The following AP2A1 variants were observed in gnomAD, a reference collection of about 807,000 sequenced individuals.
The protein encoded by AP2A1 is AP-2 complex subunit alpha-1.
In AP2A1, 21 loss-of-function variants were observed where a neutral mutation model predicts 107.3. The observed-to-expected ratio is 0.20, with a 90% CI of 0.14 to 0.28. The LOEUF (loss-of-function observed/expected upper bound fraction) is 0.28. AP2A1 is among the 10% of genes least tolerant of loss of function. AP2A1 has a pLI of 1.00. For missense variants in AP2A1, 873 were observed against 1,307.7 expected (o/e 0.67, Z 5.13); for synonymous variants, 602 against 564.8 (o/e 1.07, Z -0.93).
At chr19:49,802,792 T>G in intron 15 of AP2A1, 157 bp from the exon 16 acceptor site, 4 of 1,044,656 alleles carry the variant, frequency 3.8e-6, no homozygotes, top group Non-Finnish European at 5.6e-6. Flanking sequence ...TGGAGGCCAC[T>G]GCTGGATGGA....
intron 1 of AP2A1, among the ~76,000 whole-genome samples, chr19:49,778,379 T>C (rs143981429): frequency 0.013 from 2,001 of 152,162 alleles, 45 homozygotes; most frequent in African/African-American, 0.046. Flanking sequence ...GGTCAGGAGT[T>C]TGAGACCAGC....
chr19:49,799,210 G>T, intron 8 of AP2A1, 117 bp from the exon 9 acceptor site: 1 of 1,301,238 alleles, frequency 7.7e-7, no homozygotes, highest in South Asian at 1.4e-5. Flanking sequence ...ATGCAAGGCC[G>T]GCAAGGTTAA....
Position 49,806,221 on chromosome 19 carries a change from C to A in AP2A1, c.2758C>A (p.Leu920Met). ...GACTAAAGCCCTGCAGGTGGGCTGT[C>A]TGCTTCGGCTGGAGCCCAATGCCCA... ...IQTKALQVGC[L>M]LRLEPNAQAQ... Residue 920 changes from leucine (L) to methionine (M), a missense_variant, in exon 22 of 23, where the codon CTG (leucine) becomes ATG (methionine). Physicochemically the swap from Leu to Met is conservative, Grantham distance 15 (BLOSUM62 2). Transcript: ENST00000354293. The A allele has an allele frequency of 1.2e-6, 2 of 1,607,458 alleles. No individual in the cohort carries two copies. The highest frequency in any genetic ancestry group is 1.7e-6 in the Non-Finnish European group (2 of 1,177,350).
At position 49,787,347 on chromosome 19, in the gene AP2A1, G is replaced by GTTTT. The variant is rs199550216; in HGVS notation, c.474-4585_474-4582dup. Among the ~76,000 whole-genome samples the GTTTT allele has an allele frequency of 1.2e-3, 112 of 96,162 alleles. 3 individuals are homozygous for GTTTT. The highest frequency in any genetic ancestry group is 2.2e-3 in the African/African-American group (49 of 22,468). The allele number at this position is 96,162 out of a possible 152,430, so 63.1% of individuals were successfully genotyped here. A position where few individuals can be genotyped will look rare whatever the true frequency, so the allele number is the denominator to read the frequency against. ...TAGGCTTTTTTTGTTTGTTTTTTTT[G>GTTTT]TTTTTTGTTTTTTTTTTTTTGAGGC... On this transcript the variant is annotated intron_variant, in intron 4 of 22. Coordinates refer to ENST00000354293, the MANE Select transcript of AP2A1 (RefSeq NM_130787.3).
chr19:49,786,045 A>T (rs1000651859), intron 4 of AP2A1, among the ~76,000 whole-genome samples: 1 of 152,118 alleles, frequency 6.6e-6, no homozygotes, highest in African/African-American at 2.4e-5. Flanking sequence ...GCACCACTGC[A>T]CTCCAGCCCG....
At chr19:49,806,648 C>G (rs768441806) in intron 22 of AP2A1, 33 bp from the exon 23 acceptor site, 8 of 1,611,828 alleles carry the variant, frequency 5.0e-6, no homozygotes, top group Middle Eastern at 2.1e-4. Context: ...CTCCCCATCT[C>G]CTCTGAGTTC....
chr19:49,792,921 G>A lies in AP2A1; in HGVS notation c.604-70G>A, dbSNP rs1016132468. 16 of 1,341,950 alleles carry A rather than the reference G, an allele frequency of 1.2e-5. 1 individual carries two copies. Among genetic ancestry groups the A allele is most frequent in the South Asian group, 8.8e-5 (7 of 79,360 alleles). The allele number at this position is 1,341,950 out of a possible 1,614,324, so 83.1% of individuals were successfully genotyped here. On this transcript the variant is annotated intron_variant, in intron 5 of 22. Transcript: ENST00000354293. Reference sequence around the variant, plus strand: ...TGCACACACATCCCGACCCTGTCCCGCTCCTGAGCCTCTGCTCTCAGGTAC... The same window carrying A: ...TGCACACACATCCCGACCCTGTCCCACTCCTGAGCCTCTGCTCTCAGGTAC...
chr19:49,777,127 C>T (rs577231490), intron 1 of AP2A1, among the ~76,000 whole-genome samples: 119 of 149,994 alleles, frequency 7.9e-4, no homozygotes, highest in African/African-American at 2.7e-3. Flanking sequence ...CCCAACTGCT[C>T]GGGAGGCTGA....
Position 49,799,635 on chromosome 19 carries a change from C to T in AP2A1, c.1141C>T (p.Arg381Trp), listed in dbSNP as rs1222486293. Residue 381 changes from arginine (R) to tryptophan (W), a missense_variant, in exon 10 of 23, where the codon CGG (arginine) becomes TGG (tryptophan). Physicochemically the swap from Arg to Trp is moderately radical, Grantham distance 101 (BLOSUM62 -3). Coordinates refer to ENST00000354293, the MANE Select transcript of AP2A1 (RefSeq NM_130787.3). The part of the protein sequence containing the change: ...DTVINALKTE[R>W]DVSVRQRAAD... ...CTCTGCTCTCCGCCCTCAGACGGAG[C>T]GGGACGTCAGCGTGCGGCAGCGGGC... The T allele has an allele frequency of 5.6e-6, 9 of 1,609,536 alleles. No individual in the cohort carries two copies. Among genetic ancestry groups the T allele is most frequent in the Admixed American group, 1.7e-5 (1 of 59,970 alleles).
In AP2A1 at chr19:49,802,073, G is replaced by C; in HGVS notation, c.2046G>C (p.Leu682=). ...PPASAGAGNL[L]VDVFDGPAAQ... ...CTTCTGCAGGAGCAGGGAACCTTCT[G>C]GTGGACGTCTTCGATGGCCCGGCCG... Residue 682 remains leucine, a synonymous_variant, in exon 15 of 23, where the codon CTG becomes CTC. Transcript: ENST00000354293. 6.3e-7 allele frequency: 1 copy of C among 1,592,304 alleles called. No individual in the cohort carries two copies. The highest frequency in any genetic ancestry group is 8.5e-7 in the Non-Finnish European group (1 of 1,174,298).
chr19:49,807,028 C>T lies in AP2A1; in HGVS notation c.*270C>T, dbSNP rs1282465452. The T allele has an allele frequency of 1.3e-6, 2 of 1,499,064 alleles. No individual in the cohort carries two copies. The highest frequency in any genetic ancestry group is 1.2e-5 in the South Asian group (1 of 82,524). 92.9% of individuals were successfully genotyped at this position (1,499,064 alleles called of 1,614,324 possible). ...GGGAAGTGGATGTCTCCTCCCCTCC[C>T]ACCCCACCCTGTTGTAGCCCCTCCT... On this transcript the variant is annotated 3_prime_UTR_variant, in exon 23 of 23. Transcript: ENST00000354293.
chr19:49,802,219 C>T (rs1477894840), intron 15 of AP2A1, 78 bp downstream of exon 15: 33 of 1,182,324 alleles, frequency 2.8e-5, no homozygotes, highest in Non-Finnish European at 3.6e-5. Context: ...CCCCGTTTTC[C>T]CTGAGCCCCT....
Position 49,802,469 on chromosome 19 carries a change from C to A in AP2A1, c.2114+328C>A, listed in dbSNP as rs756462361. ...TGTCTCTCTTCTGCCCTCTCGCTGC[C>A]TATGTGGAATTGGCTGCCTGCCACG... On this transcript the variant is annotated intron_variant, in intron 15 of 22. Coordinates refer to ENST00000354293, the MANE Select transcript of AP2A1 (RefSeq NM_130787.3). 6.0e-6 allele frequency: 9 copies of A among 1,510,966 alleles called. 1 individual carries two copies. In the South Asian group the frequency reaches 1.0e-4, roughly 17 times the overall value. 93.6% of individuals were successfully genotyped at this position (1,510,966 alleles called of 1,614,324 possible). A position where few individuals can be genotyped will look rare whatever the true frequency, so the allele number is the denominator to read the frequency against.
chr19:49,789,090 G>A (rs893304525), intron 4 of AP2A1, among the ~76,000 whole-genome samples: 1 of 152,200 alleles, frequency 6.6e-6, no homozygotes, highest in African/African-American at 2.4e-5. Context: ...CACCTGCTGG[G>A]TGGCTGCACA....
chr19:49,803,496 C>A, intron 18 of AP2A1, 120 bp downstream of exon 18: 1 of 783,474 alleles, frequency 1.3e-6, no homozygotes, highest in Non-Finnish European at 2.2e-6. Context: ...GCAATTAGTT[C>A]TCTGAGATTG....
intron 19 of AP2A1, 38 bp downstream of exon 19, chr19:49,805,614 C>CG: frequency 3.2e-6 from 5 of 1,556,712 alleles, no homozygotes; most frequent in Non-Finnish European, 4.3e-6. Flanking sequence ...GCGGAGCCTC[C>CG]GGGGTGAGGG....
intron 4 of AP2A1, among the ~76,000 whole-genome samples, chr19:49,786,412 T>G (rs2084737495): frequency 6.6e-6 from 1 of 152,226 alleles, no homozygotes; most frequent in Non-Finnish European, 1.5e-5. Flanking sequence ...GCGTTGCGGG[T>G]GTCTCTCAGT....
intron 1 of AP2A1, 65 bp from the exon 2 acceptor site, chr19:49,781,692 G>C: frequency 6.7e-7 from 1 of 1,503,620 alleles, no homozygotes; most frequent in Non-Finnish European, 9.1e-7. Context: ...CCGCGCCTAG[G>C]AAAGAGAGGG....
chr19:49,791,599 C>T (rs2073143078), intron 4 of AP2A1, among the ~76,000 whole-genome samples: 1 of 152,174 alleles, frequency 6.6e-6, no homozygotes. Flanking sequence ...AGTGTTTGGA[C>T]CACTTTATTC....
Sources: allele counts gnomAD v4.1 joint callset (sites outside exome capture counted in the v4.1 genomes callset), GRCh38; gene constraint gnomAD v4.1.1; transcripts MANE v1.5; gene names NCBI Gene and HGNC (gene_info 2026-07-23, HGNC 2026-07-21).